The following ROCK1 variants were observed in gnomAD, a reference collection of about 807,000 sequenced individuals.
ROCK1 encodes rho-associated protein kinase 1.
Under a neutral mutation model 196.8 loss-of-function variants are expected in ROCK1, and 36 were observed. That is an observed-to-expected ratio of 0.18 (90% CI 0.14 to 0.24). The LOEUF (loss-of-function observed/expected upper bound fraction) is 0.24. ROCK1 is among the 10% of genes least tolerant of loss of function. The pLI is 1.00. For missense variants in ROCK1, 920 were observed against 1,562.0 expected (o/e 0.59, Z 6.93); for synonymous variants, 443 against 515.9 (o/e 0.86, Z 1.91).
chr18:21,050,583 C>T (rs1161743505), intron 2 of ROCK1, among the ~76,000 whole-genome samples: 1 of 152,174 alleles, frequency 6.6e-6, no homozygotes, highest in African/African-American at 2.4e-5. Flanking sequence ...TGGGTCAACA[C>T]TGGCATGAGA....
At chr18:21,011,370 T>C (rs1490473937) in intron 13 of ROCK1, among the ~76,000 whole-genome samples, 2 of 152,232 alleles carry the variant, frequency 1.3e-5, no homozygotes, top group Non-Finnish European at 2.9e-5. Context: ...TGTATATGCA[T>C]AGCTTAATAT....
intron 1 of ROCK1, among the ~76,000 whole-genome samples, chr18:21,081,159 C>T (rs1235659573): frequency 6.6e-6 from 1 of 152,052 alleles, no homozygotes; most frequent in Non-Finnish European, 1.5e-5. Flanking sequence ...ACCAAAATGA[C>T]ACAAAGTATC....
At chr18:20,952,661 G>A (rs1282563779) in intron 32 of ROCK1, among the ~76,000 whole-genome samples, 14 of 151,370 alleles carry the variant, frequency 9.2e-5, no homozygotes, top group African/African-American at 1.7e-4. Flanking sequence ...TGTAATCCCC[G>A]CTACTTGGGA....
chr18:20,978,231 A>C (rs1056872899), intron 22 of ROCK1, among the ~76,000 whole-genome samples: 1 of 152,146 alleles, frequency 6.6e-6, no homozygotes, highest in Non-Finnish European at 1.5e-5. Context: ...GAAGAATGAT[A>C]AAAGTGAGTA....
At chr18:21,021,283 T>C (rs1320881035) in intron 11 of ROCK1, among the ~76,000 whole-genome samples, 4 of 152,036 alleles carry the variant, frequency 2.6e-5, no homozygotes. Context: ...GAGAGAAAGA[T>C]TCAGGACTGG....
chr18:21,044,215 T>C, intron 5 of ROCK1, 29 bp from the exon 6 acceptor site: 1 of 1,521,622 alleles, frequency 6.6e-7, no homozygotes, highest in Non-Finnish European at 9.1e-7. Flanking sequence ...AGTACAGTAT[T>C]TTCTGAAACA....
At chr18:20,959,952 G>A in intron 28 of ROCK1, 24 bp from the exon 29 acceptor site, 1 of 1,405,044 alleles carries the variant, frequency 7.1e-7, no homozygotes, top group Admixed American at 1.8e-5. Context: ...AAGGGGGGAA[G>A]AGTTACAAGA....
intron 11 of ROCK1, among the ~76,000 whole-genome samples, chr18:21,022,310 C>T (rs776398916): frequency 2.0e-5 from 3 of 152,122 alleles, no homozygotes; most frequent in African/African-American, 4.8e-5. Flanking sequence ...ACCTCTGTGT[C>T]AGAACATGAG....
chr18:21,010,276 T>C (rs2035805664), intron 13 of ROCK1, among the ~76,000 whole-genome samples: 1 of 152,220 alleles, frequency 6.6e-6, no homozygotes, highest in Non-Finnish European at 1.5e-5. Flanking sequence ...TTTCCAGAAG[T>C]AGGAGTTTAA....
Position 21,020,240 on chromosome 18 carries a change from CTTTAA to C in ROCK1, c.1273-6_1273-2del, listed in dbSNP as rs2035902948. 9 of 1,554,742 alleles carry C rather than the reference CTTTAA, an allele frequency of 5.8e-6. No homozygotes were observed. Among genetic ancestry groups the C allele is most frequent in the African/African-American group, 2.8e-5 (2 of 72,238 alleles). Reference sequence around the variant, plus strand: ...AGATTGTTTTTTGCAAACTTTCCTGCTTTAATTTAAAACAAAAACAAAAACTCATT... The same window carrying C: ...AGATTGTTTTTTGCAAACTTTCCTGCTTTAAAACAAAAACAAAAACTCATT... On this transcript the variant is annotated splice_acceptor_variant and splice_polypyrimidine_tract_variant and intron_variant, in intron 11 of 32. Transcript: ENST00000399799. LOFTEE classifies it high-confidence loss of function.
At position 21,081,118 on chromosome 18, in the gene ROCK1, C is replaced by T. The variant is rs146395532; in HGVS notation, c.94-10505G>A. ...TCAAGAATAGACTTATTATGTTATG[C>T]CACAAAACAAGTTTTAATAACTTTT... On this transcript the variant is annotated intron_variant, in intron 1 of 32. Coordinates refer to ENST00000399799, the MANE Select transcript of ROCK1 (RefSeq NM_005406.3). Among the ~76,000 whole-genome samples, 178 of 152,170 alleles carry T rather than the reference C, an allele frequency of 1.2e-3. 3 individuals carry two copies. In the East Asian group the frequency reaches 0.025, roughly 21 times the overall value.
intron 27 of ROCK1, among the ~76,000 whole-genome samples, chr18:20,962,199 T>G (rs2035333914): frequency 6.6e-6 from 1 of 152,188 alleles, no homozygotes; most frequent in Admixed American, 6.5e-5. Flanking sequence ...TGCAGAAGAC[T>G]GTTGATCACA....
intron 1 of ROCK1, among the ~76,000 whole-genome samples, chr18:21,098,465 A>T (rs1258568701): frequency 6.6e-6 from 1 of 152,214 alleles, no homozygotes; most frequent in Non-Finnish European, 1.5e-5. Flanking sequence ...AAAAACATTA[A>T]GCATCAGAGA....
chr18:21,063,752 T>C (rs1403402082), intron 2 of ROCK1, among the ~76,000 whole-genome samples: 1 of 152,212 alleles, frequency 6.6e-6, no homozygotes, highest in Non-Finnish European at 1.5e-5. Context: ...TGTGATCATT[T>C]AAATGAAAAT....
chr18:20,966,842 A>G, intron 27 of ROCK1, 75 bp downstream of exon 27: 3 of 1,229,916 alleles, frequency 2.4e-6, no homozygotes, highest in Non-Finnish European at 2.3e-6. Flanking sequence ...AAGGAGGTAG[A>G]AAACCAAATG....
chr18:20,971,089 C>T (rs2035421628), intron 22 of ROCK1, among the ~76,000 whole-genome samples: 3 of 152,112 alleles, frequency 2.0e-5, no homozygotes. Context: ...TAAAACATTT[C>T]AGAACTGACA....
chr18:20,980,761 A>C (rs925123370), intron 21 of ROCK1, among the ~76,000 whole-genome samples: 2 of 151,848 alleles, frequency 1.3e-5, no homozygotes, highest in Non-Finnish European at 2.9e-5. Flanking sequence ...CTAAAAATAC[A>C]AAAAATTAGC....
intron 6 of ROCK1, 106 bp downstream of exon 6, chr18:21,043,996 T>TG: frequency 1.5e-6 from 1 of 671,476 alleles, no homozygotes; most frequent in South Asian, 1.9e-5. Context: ...AGTCCAGCTA[T>TG]GGTTAGTAAA....
chr18:20,973,422 C>A (rs562813693), intron 22 of ROCK1, among the ~76,000 whole-genome samples: 3 of 152,122 alleles, frequency 2.0e-5, no homozygotes, highest in Admixed American at 2.0e-4. Flanking sequence ...GGACTACAGG[C>A]ATGTGCCACC....
Sources: allele counts gnomAD v4.1 joint callset (sites outside exome capture counted in the v4.1 genomes callset), GRCh38; gene constraint gnomAD v4.1.1; transcripts MANE v1.5; gene names NCBI Gene and HGNC (gene_info 2026-07-23, HGNC 2026-07-21).